Variants in COMMD2 observed in about 807,000 individuals in gnomAD.
The protein encoded by COMMD2 is COMM domain containing 2.
COMMD2 carries 25 observed loss-of-function variants against 22.5 expected under a neutral mutation model. The ratio of observed to expected loss-of-function variants is 1.11; its 90% CI spans 0.81 to 1.55. The LOEUF (loss-of-function observed/expected upper bound fraction) is 1.55, where lower values mean the gene tolerates loss of function less well. Among genes scored for constraint, COMMD2 ranks in the 40% most tolerant of loss-of-function variants. The pLI, the probability that COMMD2 is intolerant of heterozygous loss-of-function variation, is 0.00. For missense variants in COMMD2, 223 were observed against 232.9 expected (o/e 0.96, Z 0.28); for synonymous variants, 98 against 91.2 (o/e 1.07, Z -0.42).
In COMMD2 at chr3:149,752,305, A is replaced by C. The variant is rs1466586915; in HGVS notation, c.68-18T>G. On this transcript the variant is annotated intron_variant, in intron 1 of 4. Coordinates refer to ENST00000473414, the MANE Select transcript of COMMD2 (RefSeq NM_016094.4). ...GGCGACCACTGCAATGAAAGTCAGA[A>C]GGCTGTTGAGTGCCAGGCGCTGCCT... 34 of 1,614,054 alleles carry C rather than the reference A, an allele frequency of 2.1e-5. No homozygotes were observed. The highest frequency in any genetic ancestry group is 2.8e-5 in the Non-Finnish European group (33 of 1,179,918).
intron 4 of COMMD2, among the ~76,000 whole-genome samples, chr3:149,748,552 G>A (rs1046410777): frequency 6.6e-6 from 1 of 152,258 alleles, no homozygotes; most frequent in Non-Finnish European, 1.5e-5. Flanking sequence ...ATTTAACTGT[G>A]TCTAGTGGCA....
At chr3:149,742,839 G>A (rs1351036524) in intron 4 of COMMD2, among the ~76,000 whole-genome samples, 3 of 151,840 alleles carry the variant, frequency 2.0e-5, no homozygotes, top group Non-Finnish European at 2.9e-5. Flanking sequence ...GGTGGCACGC[G>A]CCTGTAGTCC....
At position 149,740,129 on chromosome 3, in the gene COMMD2, T is replaced by C. The variant is rs1255469174; in HGVS notation, c.*1392A>G. On this transcript the variant is annotated 3_prime_UTR_variant, in exon 5 of 5. Coordinates refer to ENST00000473414, the MANE Select transcript of COMMD2 (RefSeq NM_016094.4). Reference sequence around the variant, plus strand: ...CTCTCAGGATAAGGTCTTGGACACATAGTTAAGACTGAACCCTCATTTCCA... The same window carrying C: ...CTCTCAGGATAAGGTCTTGGACACACAGTTAAGACTGAACCCTCATTTCCA... 1.3e-5 allele frequency: 2 copies of C among 152,214 alleles called. No individual in the cohort carries two copies. Among genetic ancestry groups the C allele is most frequent in the Non-Finnish European group, 2.9e-5 (2 of 68,048 alleles). The allele number at this position is 152,214 out of a possible 1,614,324, so 9.4% of individuals were successfully genotyped here.
At chr3:149,744,862 TA>T (rs147874385) in intron 4 of COMMD2, among the ~76,000 whole-genome samples, 223 of 152,306 alleles carry the variant, frequency 1.5e-3, no homozygotes, top group African/African-American at 5.3e-3. Context: ...CCCTCAACCT[TA>T]AACTGTACTA....
chr3:149,741,775 T>C (rs1240505921), intron 4 of COMMD2, 57 bp from the exon 5 acceptor site: 2 of 1,244,734 alleles, frequency 1.6e-6, no homozygotes, highest in Admixed American at 3.6e-5. Flanking sequence ...GCTGAATACA[T>C]AATATTTATA....
At chr3:149,751,264 G>A (rs910953636) in intron 3 of COMMD2, 139 bp downstream of exon 3, 4 of 1,317,564 alleles carry the variant, frequency 3.0e-6, no homozygotes, top group Admixed American at 2.6e-5. Flanking sequence ...TATTTTTTAG[G>A]TATGTCTTCA....
rs1420768179 is a variant in COMMD2, at chr3:149,741,861, C to T, written c.403-143G>A. On this transcript the variant is annotated intron_variant, in intron 4 of 4. Transcript: ENST00000473414. ...CAAAATGAAAAGTAAACTTTAAAAC[C>T]TTTGAAAAGAAAATAATGAGAATAT... 4.6e-6 allele frequency: 3 copies of T among 647,822 alleles called. No homozygotes were observed. The African/African-American group carries it at 5.5e-5, about 12-fold the overall frequency. 40.1% of individuals were successfully genotyped at this position (647,822 alleles called of 1,614,324 possible).
At chr3:149,741,836 C>T (rs1464410982) in intron 4 of COMMD2, 118 bp from the exon 5 acceptor site, 2 of 756,598 alleles carry the variant, frequency 2.6e-6, no homozygotes, top group Non-Finnish European at 4.3e-6. Flanking sequence ...TTACAGACTT[C>T]AAAATGAAAA....
At chr3:149,746,669 G>A (rs1314570537) in intron 4 of COMMD2, among the ~76,000 whole-genome samples, 2 of 151,574 alleles carry the variant, frequency 1.3e-5, no homozygotes, top group Non-Finnish European at 2.9e-5. Flanking sequence ...TGTAATCCCA[G>A]CTACTCAGGA....
Position 149,741,283 on chromosome 3 carries a change from G to A in COMMD2, c.*238C>T. ...GGGTTTCACCATGTTAGCCAGGAAG[G>A]TCTCAATCTCCTGACCTCATGATTT... On this transcript the variant is annotated 3_prime_UTR_variant, in exon 5 of 5. Coordinates refer to ENST00000473414, the MANE Select transcript of COMMD2 (RefSeq NM_016094.4). The A allele has an allele frequency of 2.4e-6, 1 of 424,098 alleles. No homozygotes were observed. The highest frequency in any genetic ancestry group is 4.3e-6 in the Non-Finnish European group (1 of 231,118). 26.3% of individuals were successfully genotyped at this position (424,098 alleles called of 1,614,324 possible). A position where few individuals can be genotyped will look rare whatever the true frequency, so the allele number is the denominator to read the frequency against.
Position 149,750,721 on chromosome 3 carries a change from C to A in COMMD2, c.359G>T (p.Ser120Ile). 1 of 1,598,742 alleles carries A rather than the reference C, an allele frequency of 6.3e-7. No individual in the cohort carries two copies. Among genetic ancestry groups the A allele is most frequent in the Non-Finnish European group, 8.5e-7 (1 of 1,171,868 alleles). The change falls in exon 4 of 5, where the codon AGC (serine) becomes ATC (isoleucine). Residue 120 changes from serine to isoleucine, a missense_variant. Ser to Ile is a moderately radical substitution (Grantham distance 142). Transcript: ENST00000473414. Reference protein sequence around the residue: ...IRTILSELAPSLPSYHNLEWR... With the variant: ...IRTILSELAPILPSYHNLEWR... The stretch of plus-strand genomic sequence containing the variant: ...TTCAAGGTTATGATAACTGGGAAGG[C>A]TTGGTGCCAATTCACTCAGAATCGT...
chr3:149,747,345 C>T (rs1180688710), intron 4 of COMMD2, among the ~76,000 whole-genome samples: 1 of 152,128 alleles, frequency 6.6e-6, no homozygotes, highest in Non-Finnish European at 1.5e-5. Context: ...TTTGGGGCAT[C>T]CCAATGTTTA....
Position 149,750,745 on chromosome 3 carries a change from G to T in COMMD2, c.335C>A (p.Thr112Lys), listed in dbSNP as rs200644162. The T allele has an allele frequency of 3.1e-6, 5 of 1,608,036 alleles. No individual in the cohort carries two copies. The South Asian group carries it at 4.4e-5, about 14-fold the overall frequency. Residue 112 changes from threonine to lysine, a missense_variant, in exon 4 of 5, where the codon ACG (threonine) becomes AAG (lysine). Thr to Lys is a moderately conservative substitution (Grantham distance 78). Coordinates refer to ENST00000473414, the MANE Select transcript of COMMD2 (RefSeq NM_016094.4). ...GCTTGGTGCCAATTCACTCAGAATCGTTCTGATCTCTTTTCTGTTGTCCAG... is the reference window on the plus strand; with the variant it reads ...GCTTGGTGCCAATTCACTCAGAATCTTTCTGATCTCTTTTCTGTTGTCCAG... ...LYLDNRKEIR[T>K]ILSELAPSLP...
chr3:149,746,452 T>C (rs1716368442), intron 4 of COMMD2, among the ~76,000 whole-genome samples: 1 of 152,156 alleles, frequency 6.6e-6, no homozygotes, highest in South Asian at 2.1e-4. Flanking sequence ...CACACTGTTA[T>C]GAAGAAATAA....
chr3:149,751,673 C>T (rs2108253952), intron 2 of COMMD2, 188 bp from the exon 3 acceptor site: 1 of 503,392 alleles, frequency 2.0e-6, no homozygotes, highest in Non-Finnish European at 3.5e-6. Flanking sequence ...TGGTATTTCC[C>T]ACCAAGTAAC....
chr3:149,748,661 A>C (rs1163376816), intron 4 of COMMD2, among the ~76,000 whole-genome samples: 2 of 152,240 alleles, frequency 1.3e-5, no homozygotes, highest in African/African-American at 4.8e-5. Context: ...CAGACCATAC[A>C]GTTTCTGGCA....
In COMMD2 at chr3:149,738,992, A is replaced by C. The variant is rs1576656465; in HGVS notation, c.*2529T>G. The C allele has an allele frequency of 6.6e-6, 1 of 152,186 alleles. No individual in the cohort carries two copies. Among genetic ancestry groups the C allele is most frequent in the Non-Finnish European group, 1.5e-5 (1 of 68,020 alleles). The allele number at this position is 152,186 out of a possible 1,614,324, so 9.4% of individuals were successfully genotyped here. On this transcript the variant is annotated 3_prime_UTR_variant, in exon 5 of 5. Coordinates refer to ENST00000473414, the MANE Select transcript of COMMD2 (RefSeq NM_016094.4). The stretch of plus-strand genomic sequence containing the variant: ...GAATGTAACATATGTAGACTTTGTG[A>C]CACATATATTGGCATGTGGTCACAG...
At chr3:149,748,351 T>A (rs973279416) in intron 4 of COMMD2, among the ~76,000 whole-genome samples, 42 of 152,314 alleles carry the variant, frequency 2.8e-4, no homozygotes, top group African/African-American at 9.4e-4. Flanking sequence ...CACCTAAGCA[T>A]GTGGAGCATA....
intron 4 of COMMD2, among the ~76,000 whole-genome samples, chr3:149,743,779 C>T (rs1199106166): frequency 6.6e-6 from 1 of 152,094 alleles, no homozygotes; most frequent in Non-Finnish European, 1.5e-5. Context: ...CTTATTTATT[C>T]AATTATGCTC....
Sources: gnomAD v4.1 joint callset for allele counts (sites outside exome capture counted in the v4.1 genomes callset) on GRCh38, gnomAD v4.1.1 for gene constraint, MANE v1.5 for transcripts, NCBI Gene and HGNC (gene_info 2026-07-23, HGNC 2026-07-21) for gene names.